DLC1: variants seen among roughly 807,000 people sequenced by gnomAD.
DLC1 encodes DLC1 Rho GTPase activating protein.
In DLC1, 54 loss-of-function variants were observed where a neutral mutation model predicts 140.3. That is an observed-to-expected ratio of 0.38 (90% confidence interval 0.31 to 0.48). The LOEUF is 0.48. Ranked by LOEUF, DLC1 falls within the 20% of genes least tolerant of loss-of-function variation. The pLI is 0.96. For synonymous variants in DLC1, 986 were observed against 728.1 expected, an observed-to-expected ratio of 1.35 and a Z score of -5.70; for missense variants, 2,536 against 1,907.0, an observed-to-expected ratio of 1.33 and a Z score of -6.14.
At chr8:13,538,521 G>T (rs1803373188) in intron 1 of DLC1, among the ~76,000 whole-genome samples, 1 of 152,054 alleles carries the variant, frequency 6.6e-6, no homozygotes, top group African/African-American at 2.4e-5. Flanking sequence ...GTTCTGTGTG[G>T]CTCGGTTCTT....
At position 13,342,436 on chromosome 8, in the gene DLC1, T is replaced by G. The variant is rs372889157; in HGVS notation, c.1315-37134A>C. 3.3e-5 allele frequency: 5 copies of G among 152,320 alleles called. No individual in the cohort carries two copies. The East Asian group carries it at 7.7e-4, about 24-fold the overall frequency. The allele number at this position is 152,320 out of a possible 1,614,324, so 9.4% of individuals were successfully genotyped here. Reference sequence around the variant, plus strand: ...CACAGTTGTTTGACCAGTCTAGATATTGCTGTGAAAGTATTTTTCAGATGT... The same window carrying G: ...CACAGTTGTTTGACCAGTCTAGATAGTGCTGTGAAAGTATTTTTCAGATGT... On this transcript the variant is annotated intron_variant, in intron 4 of 17. Transcript: ENST00000276297.
chr8:13,214,557 C>CTT (rs34727279), intron 5 of DLC1: 22,295 of 574,912 alleles, frequency 0.039, 185 homozygotes, highest in East Asian at 0.079. Context: ...CCAACCCCAC[C>CTT]TTTTTTTTTT....
chr8:13,258,993 C>T (rs1459043139), intron 5 of DLC1, among the ~76,000 whole-genome samples: 1 of 151,718 alleles, frequency 6.6e-6, no homozygotes, highest in East Asian at 1.9e-4. Flanking sequence ...AAAAATTAGC[C>T]GTGCGTGGTG....
intron 5 of DLC1, among the ~76,000 whole-genome samples, chr8:13,244,918 T>C (rs1239700493): frequency 6.6e-6 from 1 of 152,280 alleles, no homozygotes; most frequent in Admixed American, 6.5e-5. Context: ...GCTTATACTA[T>C]GCCAACATTT....
intron 2 of DLC1, among the ~76,000 whole-genome samples, chr8:13,414,457 G>A (rs1837954181): frequency 6.6e-6 from 1 of 152,158 alleles, no homozygotes; most frequent in African/African-American, 2.4e-5. Flanking sequence ...CCAATTTAAT[G>A]TGTGATCTGT....
intron 7 of DLC1, among the ~76,000 whole-genome samples, chr8:13,106,430 C>G (rs1009977889): frequency 6.6e-6 from 1 of 152,204 alleles, no homozygotes; most frequent in African/African-American, 2.4e-5. Flanking sequence ...ACATTGGAGC[C>G]TGGACCTCCT....
intron 8 of DLC1, 137 bp downstream of exon 8, chr8:13,102,650 AGGC>A: frequency 1.3e-6 from 1 of 747,002 alleles, no homozygotes. Flanking sequence ...TATCAAGTCT[AGGC>A]GATATCATTC....
At chr8:13,303,686 C>T (rs931742607) in intron 5 of DLC1, among the ~76,000 whole-genome samples, 2 of 152,032 alleles carry the variant, frequency 1.3e-5, no homozygotes, top group Admixed American at 6.6e-5. Flanking sequence ...CATGTAATCC[C>T]AGCTACTCAG....
At chr8:13,464,000 T>C (rs1799806826) in intron 2 of DLC1, among the ~76,000 whole-genome samples, 1 of 152,042 alleles carries the variant, frequency 6.6e-6, no homozygotes, top group African/African-American at 2.4e-5. Context: ...TTGAGCACAG[T>C]GAAAAGTTTT....
intron 4 of DLC1, among the ~76,000 whole-genome samples, chr8:13,313,642 C>T (rs568842782): frequency 9.9e-5 from 15 of 152,190 alleles, no homozygotes; most frequent in East Asian, 5.8e-4. Context: ...TGTATTTATT[C>T]GGAAATAATG....
intron 2 of DLC1, among the ~76,000 whole-genome samples, chr8:13,458,850 T>C (rs969073816): frequency 1.3e-5 from 2 of 151,832 alleles, no homozygotes; most frequent in Non-Finnish European, 2.9e-5. Flanking sequence ...AAGATGCGCT[T>C]ATGACTATTG....
intron 1 of DLC1, among the ~76,000 whole-genome samples, chr8:13,528,507 T>C (rs1389908495): frequency 6.6e-6 from 1 of 152,144 alleles, no homozygotes; most frequent in Non-Finnish European, 1.5e-5. Flanking sequence ...CTTTTATCCT[T>C]ATGCTGGAAG....
At chr8:13,289,300 C>T (rs1325038083) in intron 5 of DLC1, among the ~76,000 whole-genome samples, 1 of 152,138 alleles carries the variant, frequency 6.6e-6, no homozygotes. Context: ...AAGCTATCTT[C>T]CTGCCTCAGC....
chr8:13,416,028 C>A (rs923736215), intron 2 of DLC1, among the ~76,000 whole-genome samples: 1 of 152,100 alleles, frequency 6.6e-6, no homozygotes, highest in Non-Finnish European at 1.5e-5. Flanking sequence ...AGGAAAAAAG[C>A]CTTTCAGGAT....
chr8:13,435,981 A>C (rs1027545502), intron 2 of DLC1, among the ~76,000 whole-genome samples: 1 of 152,238 alleles, frequency 6.6e-6, no homozygotes, highest in Non-Finnish European at 1.5e-5. Flanking sequence ...TGAGCTGCTG[A>C]AAGTTCAGAT....
At chr8:13,556,917 C>A (rs1338406928) in intron 1 of DLC1, among the ~76,000 whole-genome samples, 1 of 152,208 alleles carries the variant, frequency 6.6e-6, no homozygotes, top group Non-Finnish European at 1.5e-5. Context: ...GTGGAGAAGA[C>A]AGACTTTTTC....
intron 1 of DLC1, among the ~76,000 whole-genome samples, chr8:13,511,540 C>G (rs1421655826): frequency 6.6e-6 from 1 of 152,098 alleles, no homozygotes; most frequent in Non-Finnish European, 1.5e-5. Flanking sequence ...GAAGTAAACA[C>G]TGTATTTCTC....
At chr8:13,264,759 TA>T (rs567358794) in intron 5 of DLC1, among the ~76,000 whole-genome samples, 48 of 152,366 alleles carry the variant, frequency 3.2e-4, no homozygotes, top group African/African-American at 1.1e-3. Context: ...CATCTAAAGA[TA>T]TTTTTTGAGA....
intron 3 of DLC1, among the ~76,000 whole-genome samples, chr8:13,398,232 G>C (rs897502029): frequency 1.3e-5 from 2 of 152,126 alleles, no homozygotes; most frequent in African/African-American, 4.8e-5. Flanking sequence ...ATAAAGGAAG[G>C]GATGAGCTAG....
Sources: gnomAD v4.1 joint callset for allele counts (sites outside exome capture counted in the v4.1 genomes callset) on GRCh38, gnomAD v4.1.1 for gene constraint, MANE v1.5 for transcripts, NCBI Gene and HGNC (gene_info 2026-07-23, HGNC 2026-07-21) for gene names.